PCDHGA6: variants seen among roughly 807,000 people sequenced by gnomAD.
PCDHGA6 encodes protocadherin gamma subfamily A, 6.
Under a neutral mutation model 60.6 loss-of-function variants are expected in PCDHGA6, and 41 were observed. The ratio of observed to expected loss-of-function variants is 0.68; its 90% confidence interval spans 0.53 to 0.88. PCDHGA6 has a LOEUF of 0.88. Among genes scored for constraint, PCDHGA6 ranks in the 40% least tolerant of loss-of-function variants. The pLI is 0.00. For missense variants in PCDHGA6, 1,312 were observed against 1,203.0 expected, an observed-to-expected ratio of 1.09 and a Z score of -1.34; for synonymous variants, 594 against 524.4, an observed-to-expected ratio of 1.13 and a Z score of -1.81.
At chr5:141,389,832 C>A in intron 1 of PCDHGA6, 3 of 1,613,966 alleles carry the variant, frequency 1.9e-6, no homozygotes, top group Non-Finnish European at 2.5e-6. Flanking sequence ...CGGTGGACAG[C>A]CACCACTCTC....
At chr5:141,428,618 T>C (rs554092834) in intron 1 of PCDHGA6, 1 of 206,012 alleles carries the variant, frequency 4.9e-6, no homozygotes, top group African/African-American at 2.3e-5. Context: ...AATAACAAGA[T>C]AAGCTCTAAC....
At chr5:141,386,521 A>AT (rs1458324675) in intron 1 of PCDHGA6, among the ~76,000 whole-genome samples, 1 of 232 alleles carries the variant, frequency 4.3e-3, no homozygotes, top group African/African-American at 0.013. Context: ...TCAAAAAAAG[A>AT]CTCTTTTTAG....
chr5:141,403,333 C>A (rs376895778), intron 1 of PCDHGA6: 1 of 1,613,984 alleles, frequency 6.2e-7, no homozygotes, highest in South Asian at 1.1e-5. Flanking sequence ...CTGATATTAA[C>A]GACAGCGCCC....
chr5:141,378,114 A>C (rs1024564517), intron 1 of PCDHGA6: 2 of 152,284 alleles, frequency 1.3e-5, no homozygotes, highest in Non-Finnish European at 2.9e-5. Context: ...CAGCATAGTG[A>C]ACACGTATTT....
chr5:141,395,544 G>T (rs1352260391), intron 1 of PCDHGA6: 4 of 11,560 alleles, frequency 3.5e-4, no homozygotes, highest in African/African-American at 5.6e-4. Flanking sequence ...GCTATTGTTT[G>T]TGTGTGTGTG....
At chr5:141,419,663 G>A in intron 1 of PCDHGA6, 1 of 1,612,826 alleles carries the variant, frequency 6.2e-7, no homozygotes, top group Non-Finnish European at 8.5e-7. Flanking sequence ...GGGGCACAAT[G>A]CCTGGCTGTC....
In PCDHGA6 at chr5:141,431,155, C is replaced by T; in HGVS notation, c.2424+54648C>T. On this transcript the variant is annotated intron_variant, in intron 1 of 3. Transcript: ENST00000517434. This position sits in a 1 kb window ranked among gnomAD's most constrained non-coding sequence, Gnocchi z 4.8. ...GGGACATTAACGACAATGCGCCTTA[C>T]TTTCGTGAAAGTGAATTAGAAATAA... is the stretch of plus-strand genomic sequence containing the variant. 6.2e-7 allele frequency: 1 copy of T among 1,614,212 alleles called. No homozygotes were observed. Among genetic ancestry groups the T allele is most frequent in the Non-Finnish European group, 8.5e-7 (1 of 1,180,032 alleles).
In PCDHGA6 at chr5:141,476,401, G is replaced by A. The variant is rs772438777; in HGVS notation, c.2425-18406G>A. The A allele has an allele frequency of 1.9e-6, 3 of 1,614,054 alleles. No individual in the cohort carries two copies. Among genetic ancestry groups the A allele is most frequent in the African/African-American group, 2.7e-5 (2 of 74,926 alleles). On this transcript the variant is annotated intron_variant, in intron 1 of 3. Coordinates refer to ENST00000517434, the MANE Select transcript of PCDHGA6 (RefSeq NM_018919.3). This position sits in a 1 kb window ranked among gnomAD's most constrained non-coding sequence, Gnocchi z 7.6. ...TTGTGAACGACCGTCTGGATCGAGA[G>A]GAGCTGTGTGGGACACTGCCCTCTT...
chr5:141,509,621 C>T (rs1179988828), intron 3 of PCDHGA6, among the ~76,000 whole-genome samples: 1 of 152,178 alleles, frequency 6.6e-6, no homozygotes, highest in African/African-American at 2.4e-5. Flanking sequence ...AAACAAGTTC[C>T]TGGGTGATGC....
chr5:141,389,930 C>G (rs1255366269), intron 1 of PCDHGA6: 1 of 1,614,064 alleles, frequency 6.2e-7, no homozygotes, highest in East Asian at 2.2e-5. Flanking sequence ...CCTCTGACCT[C>G]CAGGCTGAGC....
chr5:141,417,387 G>GA (rs1356605500), intron 1 of PCDHGA6: 1 of 154,090 alleles, frequency 6.5e-6, no homozygotes, highest in Non-Finnish European at 1.4e-5. Context: ...AAATTTTGAA[G>GA]AAAAAATATT....
chr5:141,417,975 A>C, intron 1 of PCDHGA6: 3 of 1,613,724 alleles, frequency 1.9e-6, no homozygotes, highest in Non-Finnish European at 2.5e-6. Context: ...TCGATTCCGG[A>C]GGAGCTGGCC....
intron 1 of PCDHGA6, chr5:141,398,588 T>C: frequency 1.9e-6 from 3 of 1,614,010 alleles, no homozygotes; most frequent in African/African-American, 1.3e-5. Flanking sequence ...AGATTTATAC[T>C]AGAAGTAGCA....
intron 1 of PCDHGA6, chr5:141,383,889 G>A (rs1206410102): frequency 3.1e-6 from 5 of 1,613,938 alleles, no homozygotes; most frequent in Non-Finnish European, 4.2e-6. Context: ...GTCTGACAAA[G>A]GCAAAAGTAC....
chr5:141,425,483 C>A (rs1172308088), intron 1 of PCDHGA6, among the ~76,000 whole-genome samples: 2 of 152,304 alleles, frequency 1.3e-5, no homozygotes, highest in Non-Finnish European at 2.9e-5. Flanking sequence ...CTATGGCAAC[C>A]TACTAGGCTA....
At chr5:141,433,377 A>ATCTG (rs1300427377) in intron 1 of PCDHGA6, among the ~76,000 whole-genome samples, 1 of 150,958 alleles carries the variant, frequency 6.6e-6, no homozygotes, top group Non-Finnish European at 1.5e-5. Context: ...CTATCTATCT[A>ATCTG]TCTATCTATC....
chr5:141,377,257 C>CT (rs1361180220), intron 1 of PCDHGA6: 1 of 147,998 alleles, frequency 6.8e-6, no homozygotes, highest in Non-Finnish European at 1.5e-5. Context: ...AAGGTTCTTT[C>CT]TTTTTCTAAT....
intron 1 of PCDHGA6, chr5:141,395,295 T>G: frequency 1.3e-6 from 2 of 1,525,988 alleles, no homozygotes; most frequent in Middle Eastern, 1.8e-4. Flanking sequence ...TGGCATAAAT[T>G]ATGTTTTGAA....
chr5:141,491,291 C>T lies in PCDHGA6; in HGVS notation c.2425-3516C>T. 1 of 1,614,152 alleles carries T rather than the reference C, an allele frequency of 6.2e-7. No homozygotes were observed. The highest frequency in any genetic ancestry group is 8.5e-7 in the Non-Finnish European group (1 of 1,179,974). On this transcript the variant is annotated intron_variant, in intron 1 of 3. Coordinates refer to ENST00000517434, the MANE Select transcript of PCDHGA6 (RefSeq NM_018919.3). This position sits in a 1 kb window ranked among gnomAD's most constrained non-coding sequence, Gnocchi z 6.9. The stretch of plus-strand genomic sequence containing the variant: ...AAATCCAGTGACTTCCTCATACACC[C>T]TCCTGAGCGTTCAGACCTTACCCTT...
Sources: gnomAD v4.1 joint callset for allele counts (sites outside exome capture counted in the v4.1 genomes callset) on GRCh38, gnomAD v4.1.1 for gene constraint, Gnocchi (gnomAD v3.1) non-coding constraint, MANE v1.5 for transcripts, NCBI Gene and HGNC (gene_info 2026-07-23, HGNC 2026-07-21) for gene names.